DRC1: variants seen among roughly 807,000 people sequenced by gnomAD.
DRC1 encodes dynein regulatory complex protein 1.
A neutral mutation model predicts 98.7 loss-of-function variants in DRC1; 74 were observed. That is an observed-to-expected ratio of 0.75 (90% CI 0.62 to 0.91). DRC1 has a LOEUF of 0.91. Among genes scored for constraint, DRC1 ranks in the 40% least tolerant of loss-of-function variants. The probability of loss-of-function intolerance (pLI) is 0.00; values close to 1 mark genes in which losing one functional copy is unlikely to be tolerated. For synonymous variants in DRC1, 336 were observed against 334.1 expected, an observed-to-expected ratio of 1.01 and a Z score of -0.06; for missense variants, 875 against 886.0, an observed-to-expected ratio of 0.99 and a Z score of 0.16.
chr2:26,424,778 C>T (rs1362071435), intron 4 of DRC1, among the ~76,000 whole-genome samples: 1 of 151,974 alleles, frequency 6.6e-6, no homozygotes, highest in Non-Finnish European at 1.5e-5. Flanking sequence ...ATGGTGAAAC[C>T]CCATCTCTAC....
chr2:26,403,666 G>T (rs528138963), intron 1 of DRC1, among the ~76,000 whole-genome samples: 191 of 151,958 alleles, frequency 1.3e-3, no homozygotes, highest in African/African-American at 4.5e-3. Context: ...GTGGTGGCAG[G>T]CACCTGTAAT....
intron 5 of DRC1, chr2:26,430,575 G>T (rs574945218): frequency 6.2e-6 from 4 of 647,310 alleles, no homozygotes; most frequent in Middle Eastern, 2.5e-4. Flanking sequence ...TCTCCTCTCC[G>T]CATTTGGAGT....
intron 1 of DRC1, among the ~76,000 whole-genome samples, chr2:26,413,734 A>G (rs561063927): frequency 5.9e-5 from 9 of 152,108 alleles, no homozygotes; most frequent in Non-Finnish European, 8.8e-5. Context: ...AATTTTGTCA[A>G]ATATCTTTTA....
intron 11 of DRC1, 38 bp downstream of exon 11, chr2:26,448,841 G>A (rs541288757): frequency 6.2e-7 from 1 of 1,601,928 alleles, no homozygotes; most frequent in African/African-American, 1.3e-5. Context: ...GGGACTCACG[G>A]GGGTGTGCAG....
chr2:26,433,599 T>C (rs564810976), intron 7 of DRC1, among the ~76,000 whole-genome samples: 14 of 152,346 alleles, frequency 9.2e-5, no homozygotes, highest in Admixed American at 6.5e-4. Context: ...CAAAACTACA[T>C]ACTGTTGGCC....
Position 26,453,392 on chromosome 2 carries a change from C to T in DRC1, c.1762C>T (p.Leu588=). 6.2e-7 allele frequency: 1 copy of T among 1,614,188 alleles called. No individual in the cohort carries two copies. The highest frequency in any genetic ancestry group is 8.5e-7 in the Non-Finnish European group (1 of 1,180,044). The part of the protein sequence containing the change: ...EETSTRSELE[L]AEQTEMEGEK... ...GACAAGCACGAGGTCAGAATTGGAG[C>T]TGGCAGAGCAGACGGAGATGGAGGG... is the stretch of plus-strand genomic sequence containing the variant. Residue 588 remains leucine (L), a synonymous_variant, in exon 14 of 17, where the codon CTG becomes TTG. Transcript: ENST00000288710.
intron 1 of DRC1, among the ~76,000 whole-genome samples, chr2:26,405,733 T>C (rs978066674): frequency 2.0e-5 from 3 of 148,380 alleles, no homozygotes; most frequent in Non-Finnish European, 4.5e-5. Context: ...CAGTCTTGGC[T>C]TACTGCAATC....
Position 26,421,307 on chromosome 2 carries a change from T to C in DRC1, c.263T>C (p.Leu88Pro). 1.9e-6 allele frequency: 3 copies of C among 1,613,656 alleles called. No individual in the cohort carries two copies. The highest frequency in any genetic ancestry group is 1.7e-6 in the Non-Finnish European group (2 of 1,179,732). Reference protein sequence around the residue: ...ESRLKLAKLLLCGTELVTNIQ... With the variant: ...ESRLKLAKLLPCGTELVTNIQ... ...TTTTAGAAATTGGCTAAACTTCTGC[T>C]CTGTGGCACCGAGTTGGTGACAAAT... is the stretch of plus-strand genomic sequence containing the variant. The change falls in exon 3 of 17, where the codon CTC becomes CCC. Residue 88 changes from leucine (L) to proline (P), a missense_variant. By Grantham distance (98) the Leu-to-Pro change is moderately conservative. Coordinates refer to ENST00000288710, the MANE Select transcript of DRC1 (RefSeq NM_145038.5).
chr2:26,447,233 T>G (rs1411066263), intron 10 of DRC1, among the ~76,000 whole-genome samples: 2 of 151,554 alleles, frequency 1.3e-5, no homozygotes, highest in African/African-American at 4.9e-5. Context: ...ACCAACATGG[T>G]GAAACCCTGT....
chr2:26,454,859 G>A lies in DRC1; in HGVS notation c.2063+69G>A, dbSNP rs575045146. The A allele has an allele frequency of 1.1e-5, 18 of 1,600,948 alleles. No homozygotes were observed. The East Asian group carries it at 2.9e-4, about 26-fold the overall frequency. ...TGAGGAACGGTTGTTGGGAGCAGCCGCGTTTGCTGCCTCCCTGTCCCACTG... is the reference window on the plus strand; with the variant it reads ...TGAGGAACGGTTGTTGGGAGCAGCCACGTTTGCTGCCTCCCTGTCCCACTG... On this transcript the variant is annotated intron_variant, in intron 15 of 16. Transcript: ENST00000288710. The surrounding 1 kb of genome is among the most constrained non-coding windows in gnomAD (Gnocchi z 5.2).
At position 26,454,613 on chromosome 2, in the gene DRC1, T is replaced by C; in HGVS notation, c.1920-34T>C. 3.7e-6 allele frequency: 6 copies of C among 1,612,108 alleles called. No individual in the cohort carries two copies. The highest frequency in any genetic ancestry group is 5.1e-6 in the Non-Finnish European group (6 of 1,178,936). ...GCCTGGGGGCCTGGGTAGTACCCAA[T>C]GGACATGACAATCACTGTGCTCTTG... On this transcript the variant is annotated intron_variant, in intron 14 of 16. Transcript: ENST00000288710. This position sits in a 1 kb window ranked among gnomAD's most constrained non-coding sequence, Gnocchi z 5.2.
At chr2:26,453,580 G>A (rs538996815) in intron 14 of DRC1, 31 bp downstream of exon 14, 1 of 1,600,006 alleles carries the variant, frequency 6.2e-7, no homozygotes, top group African/African-American at 1.3e-5. Context: ...GCTTGCCTGA[G>A]ACCAGAACCA....
chr2:26,427,976 G>A (rs538346072), intron 4 of DRC1, among the ~76,000 whole-genome samples: 52 of 152,242 alleles, frequency 3.4e-4, no homozygotes, highest in African/African-American at 1.2e-3. Context: ...CCATTCATCT[G>A]CTGATGGACA....
chr2:26,413,950 T>A (rs905832195), intron 1 of DRC1, among the ~76,000 whole-genome samples: 2 of 151,800 alleles, frequency 1.3e-5, no homozygotes, highest in Admixed American at 1.3e-4. Flanking sequence ...AGAGATAGTG[T>A]CTCTCTATGT....
chr2:26,447,479 T>C (rs547377574), intron 10 of DRC1, among the ~76,000 whole-genome samples: 1 of 152,346 alleles, frequency 6.6e-6, no homozygotes, highest in Non-Finnish European at 1.5e-5. Flanking sequence ...TATCACCAGC[T>C]TGATACACAT....
intron 2 of DRC1, among the ~76,000 whole-genome samples, chr2:26,418,663 T>A (rs1336286955): frequency 1.2e-3 from 108 of 93,012 alleles, no homozygotes; most frequent in African/African-American, 4.3e-3. Context: ...AATTATATAT[T>A]ATATAAATTA....
At chr2:26,431,250 G>A (rs1427700600) in intron 6 of DRC1, among the ~76,000 whole-genome samples, 7 of 152,252 alleles carry the variant, frequency 4.6e-5, no homozygotes, top group South Asian at 4.2e-4. Context: ...CTCCGCGCCC[G>A]GCCGCCTTTT....
At chr2:26,448,082 A>G (rs1663904931) in intron 10 of DRC1, among the ~76,000 whole-genome samples, 1 of 151,280 alleles carries the variant, frequency 6.6e-6, no homozygotes, top group South Asian at 2.1e-4. Context: ...GAAATTAGCC[A>G]GGTGTCGCGG....
chr2:26,437,484 C>T (rs546065809), intron 7 of DRC1, among the ~76,000 whole-genome samples: 3 of 152,344 alleles, frequency 2.0e-5, no homozygotes, highest in Non-Finnish European at 2.9e-5. Flanking sequence ...CTGCCCGGCA[C>T]GATGCTCAGT....
Sources: gnomAD v4.1 joint callset for allele counts (sites outside exome capture counted in the v4.1 genomes callset) on GRCh38, gnomAD v4.1.1 for gene constraint, Gnocchi (gnomAD v3.1) non-coding constraint, MANE v1.5 for transcripts, NCBI Gene and HGNC (gene_info 2026-07-23, HGNC 2026-07-21) for gene names.